SLC26A8: variants seen among roughly 807,000 people sequenced by gnomAD.
The protein encoded by SLC26A8 is testis anion transporter 1.
Under a neutral mutation model 105.0 loss-of-function variants are expected in SLC26A8, and 70 were observed. The observed-to-expected ratio is 0.67, with a 90% CI of 0.55 to 0.81. The LOEUF is 0.81. SLC26A8 is among the 40% of genes least tolerant of loss of function. The pLI is 0.00. For synonymous variants in SLC26A8, 415 were observed against 438.3 expected (o/e 0.95, Z 0.66); for missense variants, 998 against 1,181.8 (o/e 0.84, Z 2.28).
chr6:36,016,681 T>A (rs1762002727), intron 2 of SLC26A8, among the ~76,000 whole-genome samples: 1 of 152,210 alleles, frequency 6.6e-6, no homozygotes, highest in Non-Finnish European at 1.5e-5. Context: ...ATTAAAAAAT[T>A]ATTCAACCAA....
chr6:35,951,800 A>G (rs1771882879), intron 17 of SLC26A8, among the ~76,000 whole-genome samples: 1 of 151,842 alleles, frequency 6.6e-6, no homozygotes, highest in Admixed American at 6.6e-5. Flanking sequence ...CTGGTCTCAA[A>G]CTCCTGACTT....
At chr6:35,973,904 A>T (rs889698189) in intron 10 of SLC26A8, among the ~76,000 whole-genome samples, 1 of 152,118 alleles carries the variant, frequency 6.6e-6, no homozygotes, top group Non-Finnish European at 1.5e-5. Context: ...ATGCTGACTC[A>T]TTCCCCGGGC....
chr6:36,012,500 A>T (rs1761889814), intron 2 of SLC26A8, 128 bp from the exon 3 acceptor site: 1 of 1,009,620 alleles, frequency 9.9e-7, no homozygotes, highest in Non-Finnish European at 1.4e-6. Context: ...AGAGTTTGAC[A>T]TATTGGACCA....
In SLC26A8 at chr6:36,021,565, G is replaced by A. The variant is rs369166982; in HGVS notation, c.-2-1856C>T. Among the ~76,000 whole-genome samples the A allele has an allele frequency of 5.3e-5, 8 of 152,234 alleles. No individual in the cohort carries two copies. In the South Asian group the frequency reaches 1.5e-3, roughly 28 times the overall value. ...GGTGTAAAATAGGCAAAATATGACC[G>A]TCAAGGAGTGGTGGGAACAGTGGGG... On this transcript the variant is annotated intron_variant, in intron 1 of 19. Coordinates refer to ENST00000490799, the MANE Select transcript of SLC26A8 (RefSeq NM_052961.4).
intron 16 of SLC26A8, among the ~76,000 whole-genome samples, chr6:35,958,953 C>T (rs142857969): frequency 6.6e-6 from 1 of 152,106 alleles, no homozygotes; most frequent in Non-Finnish European, 1.5e-5. Flanking sequence ...TCTGAAATAG[C>T]GGCCTGTGCT....
chr6:36,010,053 T>C (rs1323694987), intron 3 of SLC26A8, among the ~76,000 whole-genome samples: 1 of 152,168 alleles, frequency 6.6e-6, no homozygotes, highest in African/African-American at 2.4e-5. Flanking sequence ...TGGTTTCTTA[T>C]AAAGTTAAAC....
chr6:36,006,813 G>A (rs1761701044), intron 3 of SLC26A8, among the ~76,000 whole-genome samples: 1 of 152,146 alleles, frequency 6.6e-6, no homozygotes, highest in Non-Finnish European at 1.5e-5. Flanking sequence ...CTCATTCTGA[G>A]AATGCAAGGC....
In SLC26A8 at chr6:35,959,760, AT is replaced by A; in HGVS notation, c.1684del (p.Ile562LeufsTer4). 1 of 1,610,194 alleles carries A rather than the reference AT, an allele frequency of 6.2e-7. No homozygotes were observed. Among genetic ancestry groups the A allele is most frequent in the Non-Finnish European group, 8.5e-7 (1 of 1,179,234 alleles). ...GVKIFQCCSSITFVNVYYLKH... is the reference protein window; with the variant it reads ...GVKIFQCCSSXTFVNVYYLKH... ...TAGGTAGTAAACATTTACAAATGTA[AT>A]TGAGCTGCAGCACTGGAAGATTTTC... is the stretch of plus-strand genomic sequence containing the variant. On this transcript the variant is annotated frameshift_variant, in exon 15 of 20. Transcript: ENST00000490799. LOFTEE classifies it high-confidence loss of function.
At chr6:35,948,632 A>G (rs1771757055) in intron 19 of SLC26A8, among the ~76,000 whole-genome samples, 1 of 152,198 alleles carries the variant, frequency 6.6e-6, no homozygotes, top group Non-Finnish European at 1.5e-5. Context: ...TACTGAAGCT[A>G]TACAGAAAAA....
chr6:35,982,176 T>C lies in SLC26A8; in HGVS notation c.970A>G (p.Lys324Glu). The change falls in exon 8 of 20, where the codon AAG (lysine) becomes GAG (glutamate). Residue 324 changes from lysine (K) to glutamate (E), a missense_variant. Physicochemically the swap from Lys to Glu is moderately conservative, Grantham distance 56. Transcript: ENST00000490799. Reference sequence around the variant, plus strand: ...CTGGTTTCTGTGGCCATGCTTATCTTGTTTGCAATCACAGTGAAGCCAATA... The same window carrying C: ...CTGGTTTCTGTGGCCATGCTTATCTCGTTTGCAATCACAGTGAAGCCAATA... Reference protein sequence around the residue: ...LIIGFTVIANKISMATETSQT... With the variant: ...LIIGFTVIANEISMATETSQT... The C allele has an allele frequency of 6.2e-7, 1 of 1,614,098 alleles. No homozygotes were observed. Among genetic ancestry groups the C allele is most frequent in the Non-Finnish European group, 8.5e-7 (1 of 1,180,020 alleles).
intron 14 of SLC26A8, 89 bp from the exon 15 acceptor site, chr6:35,959,895 G>T: frequency 9.8e-7 from 1 of 1,024,330 alleles, no homozygotes; most frequent in Non-Finnish European, 1.4e-6. Flanking sequence ...TAGAGAGTCT[G>T]TATTCTTCTT....
chr6:36,022,100 G>A (rs1431307073), intron 1 of SLC26A8, among the ~76,000 whole-genome samples: 2 of 152,140 alleles, frequency 1.3e-5, no homozygotes, highest in Admixed American at 6.5e-5. Flanking sequence ...CTGAGTAGCT[G>A]GGATTACAGG....
rs758806345 is a variant in SLC26A8, at chr6:35,951,331, T to C, written c.2304A>G (p.Ala768=). The C allele has an allele frequency of 1.6e-5, 26 of 1,614,090 alleles. 1 individual carries two copies. The Middle Eastern group carries it at 6.6e-4, about 41-fold the overall frequency. The stretch of plus-strand genomic sequence containing the variant: ...CGTCAAAGAAATCATTCCTCTCAAA[T>C]GCCCTGACTATGGAAGCTAAAAACC... The part of the protein sequence containing the change: ...IAGCHSSIVR[A]FERNDFFDAG... Residue 768 remains alanine (A), a synonymous_variant, in exon 19 of 20, where the codon GCA becomes GCG. Transcript: ENST00000490799.
chr6:35,985,685 T>C, intron 7 of SLC26A8, among the ~76,000 whole-genome samples: 1 of 99,222 alleles, frequency 1.0e-5, no homozygotes, highest in South Asian at 3.7e-4. Context: ...AGAGCAAGAC[T>C]CCGTCTCAAA....
intron 17 of SLC26A8, chr6:35,954,901 T>C (rs1466341020): frequency 2.5e-6 from 1 of 395,530 alleles, no homozygotes; most frequent in South Asian, 2.4e-5. Context: ...GCCAAGATTG[T>C]GCCACTGCAC....
intron 5 of SLC26A8, among the ~76,000 whole-genome samples, chr6:35,997,315 C>T (rs1402429314): frequency 6.6e-6 from 1 of 152,162 alleles, no homozygotes; most frequent in Non-Finnish European, 1.5e-5. Context: ...TTGCATGCTC[C>T]TTATGAGAAT....
intron 7 of SLC26A8, among the ~76,000 whole-genome samples, chr6:35,985,718 A>T (rs909516832): frequency 6.7e-6 from 1 of 149,150 alleles, no homozygotes; most frequent in Admixed American, 6.7e-5. Flanking sequence ...AAAAAAAAAA[A>T]AAAGAGGGCT....
intron 7 of SLC26A8, among the ~76,000 whole-genome samples, chr6:35,988,210 C>A (rs1186732894): frequency 6.6e-6 from 1 of 152,108 alleles, no homozygotes; most frequent in Non-Finnish European, 1.5e-5. Flanking sequence ...CGTGCCCGGC[C>A]CCGAATTCAG....
At chr6:35,968,442 T>C (rs1483595709) in intron 11 of SLC26A8, among the ~76,000 whole-genome samples, 1 of 150,620 alleles carries the variant, frequency 6.6e-6, no homozygotes, top group Non-Finnish European at 1.5e-5. Flanking sequence ...TGTATCCCAG[T>C]TATACGGTGT....
Sources: gnomAD v4.1 joint callset for allele counts (sites outside exome capture counted in the v4.1 genomes callset) on GRCh38, gnomAD v4.1.1 for gene constraint, MANE v1.5 for transcripts, NCBI Gene and HGNC (gene_info 2026-07-23, HGNC 2026-07-21) for gene names.